Variants in PCDHGA7 observed in about 807,000 individuals in gnomAD.
PCDHGA7 encodes the protein protocadherin gamma subfamily A, 7.
A neutral mutation model predicts 58.3 loss-of-function variants in PCDHGA7; 44 were observed. That is an observed-to-expected ratio of 0.75 (90% CI 0.59 to 0.97). The LOEUF is 0.97. PCDHGA7 is among the 50% of genes least tolerant of loss of function. PCDHGA7 has a pLI of 0.00. For synonymous variants in PCDHGA7, 516 were observed against 504.2 expected (o/e 1.02, Z -0.31); for missense variants, 1,266 against 1,188.7 (o/e 1.06, Z -0.96).
Position 141,383,049 on chromosome 5 carries a change from G to C in PCDHGA7, c.150G>C (p.Lys50Asn), listed in dbSNP as rs779106714. 2.0e-5 allele frequency: 32 copies of C among 1,613,788 alleles called. No homozygotes were observed. Among genetic ancestry groups the C allele is most frequent in the Non-Finnish European group, 2.7e-5 (32 of 1,179,922 alleles). ...DKGSFVGDIAKDLGLEPRELA... is the reference protein window; with the variant it reads ...DKGSFVGDIANDLGLEPRELA... ...GGTCCTTTGTGGGAGACATCGCCAAGGACCTGGGGCTGGAGCCCCGGGAGC... is the reference window on the plus strand; with the variant it reads ...GGTCCTTTGTGGGAGACATCGCCAACGACCTGGGGCTGGAGCCCCGGGAGC... The change falls in exon 1 of 4, where the codon AAG (lysine) becomes AAC (asparagine). Residue 50 changes from lysine (K) to asparagine (N), a missense_variant. By Grantham distance (94) the Lys-to-Asn change is moderately conservative. Coordinates refer to ENST00000518325, the MANE Select transcript of PCDHGA7 (RefSeq NM_018920.4).
intron 1 of PCDHGA7, chr5:141,399,551 T>C: frequency 6.2e-7 from 1 of 1,614,052 alleles, no homozygotes; most frequent in Non-Finnish European, 8.5e-7. Context: ...GCCTCGGACC[T>C]GGACTTGGGG....
At chr5:141,451,954 G>A (rs2098729151) in intron 1 of PCDHGA7, among the ~76,000 whole-genome samples, 1 of 152,084 alleles carries the variant, frequency 6.6e-6, no homozygotes, top group Non-Finnish European at 1.5e-5. Flanking sequence ...CCGAGAAAGT[G>A]ACATACCATC....
chr5:141,413,075 AG>A (rs1225722826), intron 1 of PCDHGA7: 11 of 1,246,492 alleles, frequency 8.8e-6, no homozygotes, highest in Non-Finnish European at 1.1e-5. Context: ...TAAAGTGCCC[AG>A]GCTACAGAGA....
chr5:141,435,614 C>A, intron 1 of PCDHGA7, among the ~76,000 whole-genome samples: 1 of 152,056 alleles, frequency 6.6e-6, no homozygotes, highest in East Asian at 1.9e-4. Flanking sequence ...ACATTAAATT[C>A]CCCATAACTT....
chr5:141,394,263 A>T, intron 1 of PCDHGA7: 1 of 1,613,884 alleles, frequency 6.2e-7, no homozygotes, highest in Non-Finnish European at 8.5e-7. Flanking sequence ...CAGCCAGGAG[A>T]ATGCCCAGGT....
rs1460626002 is a variant in PCDHGA7, at chr5:141,486,935, C to A, written c.2425-7872C>A. ...ACTGCCTCCATCAGTTGGTGCTGGC[C>A]ACCTAATCACAAAGGTGACTGCTGT... On this transcript the variant is annotated intron_variant, in intron 1 of 3. Transcript: ENST00000518325. This position sits in a 1 kb window ranked among gnomAD's most constrained non-coding sequence, Gnocchi z 5.0. 5 of 1,614,228 alleles carry A rather than the reference C, an allele frequency of 3.1e-6. No individual in the cohort carries two copies. The highest frequency in any genetic ancestry group is 4.2e-6 in the Non-Finnish European group (5 of 1,180,038).
intron 1 of PCDHGA7, among the ~76,000 whole-genome samples, chr5:141,447,279 A>G (rs1394174534): frequency 1.3e-5 from 2 of 152,156 alleles, no homozygotes; most frequent in African/African-American, 4.8e-5. Flanking sequence ...AGCTGGGACT[A>G]CAGGCACATG....
intron 1 of PCDHGA7, chr5:141,394,056 G>C (rs776550132): frequency 6.2e-7 from 1 of 1,613,734 alleles, no homozygotes; most frequent in Non-Finnish European, 8.5e-7. Flanking sequence ...CCGAGAAAAT[G>C]TCTCTATCTA....
chr5:141,446,279 G>A (rs1326701686), intron 1 of PCDHGA7, among the ~76,000 whole-genome samples: 1 of 152,096 alleles, frequency 6.6e-6, no homozygotes, highest in African/African-American at 2.4e-5. Context: ...AAATACAATG[G>A]ATAAATGGGG....
intron 1 of PCDHGA7, chr5:141,427,665 G>A (rs763897261): frequency 1.3e-5 from 10 of 782,298 alleles, no homozygotes; most frequent in Admixed American, 3.9e-5. Flanking sequence ...CCACGTGGCC[G>A]AAAACAACCT....
At position 141,421,030 on chromosome 5, in the gene PCDHGA7, G is replaced by A. The variant is rs989158485; in HGVS notation, c.2424+35707G>A. The stretch of plus-strand genomic sequence containing the variant: ...GGAATGGGAAGCTGCGCGCCATTGA[G>A]TCCCTCCCTCCCCCGCCTCTACCAC... On this transcript the variant is annotated intron_variant, in intron 1 of 3. Coordinates refer to ENST00000518325, the MANE Select transcript of PCDHGA7 (RefSeq NM_018920.4). 39 of 532,352 alleles carry A rather than the reference G, an allele frequency of 7.3e-5. No homozygotes were observed. In the East Asian group the frequency reaches 1.2e-3, roughly 17 times the overall value. 33.0% of individuals were successfully genotyped at this position (532,352 alleles called of 1,614,324 possible). A position where few individuals can be genotyped will look rare whatever the true frequency, so the allele number is the denominator to read the frequency against.
At position 141,403,421 on chromosome 5, in the gene PCDHGA7, G is replaced by A. The variant is rs773369451; in HGVS notation, c.2424+18098G>A. ...TGGAGCACGTTATCCACTTCCAGAA[G>A]CTATTGATCCGGATGTTGGCGTGAA... On this transcript the variant is annotated intron_variant, in intron 1 of 3. Coordinates refer to ENST00000518325, the MANE Select transcript of PCDHGA7 (RefSeq NM_018920.4). 11 of 1,614,038 alleles carry A rather than the reference G, an allele frequency of 6.8e-6. No individual in the cohort carries two copies. In the East Asian group the frequency reaches 2.5e-4, roughly 36 times the overall value.
At chr5:141,417,007 C>A (rs1204390468) in intron 1 of PCDHGA7, 1 of 148,406 alleles carries the variant, frequency 6.7e-6, no homozygotes, top group Non-Finnish European at 1.5e-5. Flanking sequence ...TCAAATAATT[C>A]TATTATTTTG....
At chr5:141,436,425 G>A (rs2097823674) in intron 1 of PCDHGA7, among the ~76,000 whole-genome samples, 2 of 152,268 alleles carry the variant, frequency 1.3e-5, no homozygotes, top group Non-Finnish European at 2.9e-5. Context: ...AACAAATAAT[G>A]TACTCTGGGG....
At chr5:141,498,231 A>T (rs1213697084) in intron 2 of PCDHGA7, among the ~76,000 whole-genome samples, 1 of 152,268 alleles carries the variant, frequency 6.6e-6, no homozygotes, top group East Asian at 1.9e-4. Flanking sequence ...ATGGTCAGGC[A>T]TACCAGCTTC....
At chr5:141,394,536 G>T in intron 1 of PCDHGA7, 2 of 1,614,188 alleles carry the variant, frequency 1.2e-6, no homozygotes, top group Non-Finnish European at 1.7e-6. Flanking sequence ...TTCCACTGGC[G>T]TGGAGCTGGC....
At chr5:141,483,907 C>A (rs545585133) in intron 1 of PCDHGA7, among the ~76,000 whole-genome samples, 1 of 151,240 alleles carries the variant, frequency 6.6e-6, no homozygotes, top group East Asian at 1.9e-4. Context: ...TGGTGTGTTT[C>A]CCACTCAGAT....
In PCDHGA7 at chr5:141,477,070, T is replaced by A; in HGVS notation, c.2425-17737T>A. 6.2e-7 allele frequency: 1 copy of A among 1,613,342 alleles called. No individual in the cohort carries two copies. The highest frequency in any genetic ancestry group is 8.5e-7 in the Non-Finnish European group (1 of 1,179,244). ...TGGACTTCGAGGACACCAAACTCCATGAGATTTACATCCAGGCCAAAGACA... is the reference window on the plus strand; with the variant it reads ...TGGACTTCGAGGACACCAAACTCCAAGAGATTTACATCCAGGCCAAAGACA... On this transcript the variant is annotated intron_variant, in intron 1 of 3. Coordinates refer to ENST00000518325, the MANE Select transcript of PCDHGA7 (RefSeq NM_018920.4). The surrounding 1 kb of genome is among the most constrained non-coding windows in gnomAD (Gnocchi z 4.9).
At position 141,431,566 on chromosome 5, in the gene PCDHGA7, T is replaced by G; in HGVS notation, c.2424+46243T>G. ...TGCTTGTAGTCAACGCTACCGACCCTGACGAAGGAGTCAATGCGGAAGTGA... is the reference window on the plus strand; with the variant it reads ...TGCTTGTAGTCAACGCTACCGACCCGGACGAAGGAGTCAATGCGGAAGTGA... On this transcript the variant is annotated intron_variant, in intron 1 of 3. Transcript: ENST00000518325. This position sits in a 1 kb window ranked among gnomAD's most constrained non-coding sequence, Gnocchi z 4.8. 6.2e-7 allele frequency: 1 copy of G among 1,614,128 alleles called. No homozygotes were observed. The highest frequency in any genetic ancestry group is 1.1e-5 in the South Asian group (1 of 91,088).
Sources: gnomAD v4.1 joint callset for allele counts (sites outside exome capture counted in the v4.1 genomes callset) on GRCh38, gnomAD v4.1.1 for gene constraint, Gnocchi (gnomAD v3.1) non-coding constraint, MANE v1.5 for transcripts, NCBI Gene and HGNC (gene_info 2026-07-23, HGNC 2026-07-21) for gene names.